The following SDK1 variants were observed in gnomAD, a reference collection of about 807,000 sequenced individuals.
SDK1 encodes the protein sidekick cell adhesion molecule 1.
In SDK1, 157 loss-of-function variants were observed where a neutral mutation model predicts 245.5. That is an observed-to-expected ratio of 0.64 (90% CI 0.56 to 0.73). The LOEUF (loss-of-function observed/expected upper bound fraction) is 0.73. Among genes scored for constraint, SDK1 ranks in the 30% least tolerant of loss-of-function variants. The pLI is 0.00. For missense variants in SDK1, 3,583 were observed against 3,002.3 expected (o/e 1.19, Z -4.52); for synonymous variants, 1,647 against 1,278.5 (o/e 1.29, Z -6.15).
intron 35 of SDK1, among the ~76,000 whole-genome samples, chr7:4,204,072 G>A (rs1444711745): frequency 6.6e-6 from 1 of 152,232 alleles, no homozygotes; most frequent in African/African-American, 2.4e-5. Flanking sequence ...GCTGAGTTGG[G>A]CCATCTTTGG....
chr7:3,443,116 C>T (rs1286540849), intron 1 of SDK1, among the ~76,000 whole-genome samples: 1 of 150,772 alleles, frequency 6.6e-6, no homozygotes, highest in African/African-American at 2.4e-5. Flanking sequence ...GGGTTATATC[C>T]TTAACATGTA....
At chr7:3,484,000 A>G (rs73038553) in intron 1 of SDK1, among the ~76,000 whole-genome samples, 14,217 of 152,236 alleles carry the variant, frequency 0.093, 903 homozygotes, top group African/African-American at 0.17. Context: ...ATGATGTGTA[A>G]TAAATCAGGG....
chr7:3,931,518 A>C (rs1425277049), intron 5 of SDK1, among the ~76,000 whole-genome samples: 1 of 152,248 alleles, frequency 6.6e-6, no homozygotes, highest in Non-Finnish European at 1.5e-5. Flanking sequence ...GTAAGTAAAC[A>C]ACTGCGTAGC....
Position 4,233,411 on chromosome 7 carries a change from C to A in SDK1, c.5984C>A (p.Ala1995Asp). ...GGGGAGCCCAGCAACCCCTCCACGGCTGTGTCAGGTAGGCCCTCCCAGGGA... is the reference window on the plus strand; with the variant it reads ...GGGGAGCCCAGCAACCCCTCCACGGATGTGTCAGGTAGGCCCTCCCAGGGA... ...GYGEPSNPST[A>D]VSAQVEAPFY... The change falls in exon 41 of 45, where the codon GCT (alanine) becomes GAT (aspartate). Residue 1995 changes from alanine (A) to aspartate (D), a missense_variant. Ala to Asp is a moderately radical substitution (Grantham distance 126). Transcript: ENST00000404826. 6.2e-7 allele frequency: 1 copy of A among 1,612,064 alleles called. No homozygotes were observed.
intron 19 of SDK1, among the ~76,000 whole-genome samples, chr7:4,057,992 T>C (rs1029837130): frequency 2.0e-5 from 3 of 151,708 alleles, no homozygotes; most frequent in Non-Finnish European, 4.4e-5. Context: ...ACACAAGAAA[T>C]ATGAAAATGC....
chr7:3,674,829 T>A (rs1190592562), intron 4 of SDK1, among the ~76,000 whole-genome samples: 1 of 152,128 alleles, frequency 6.6e-6, no homozygotes, highest in East Asian at 1.9e-4. Context: ...GGCTCTGTGT[T>A]CAGCACGCAT....
At chr7:3,969,542 G>T in intron 11 of SDK1, 118 bp downstream of exon 11, 2 of 681,226 alleles carry the variant, frequency 2.9e-6, no homozygotes. Context: ...AAAAGAGAAT[G>T]ATTATTTTTA....
chr7:3,777,863 A>G (rs1780611485), intron 4 of SDK1, among the ~76,000 whole-genome samples: 2 of 152,372 alleles, frequency 1.3e-5, no homozygotes, highest in South Asian at 4.1e-4. Context: ...TAAAAAATAT[A>G]GGTCAATTAC....
intron 5 of SDK1, among the ~76,000 whole-genome samples, chr7:3,950,429 A>G (rs80151357): frequency 0.067 from 10,226 of 152,304 alleles, 386 homozygotes; most frequent in Middle Eastern, 0.17. Flanking sequence ...TGGTCCGAAA[A>G]TAGGAGAGTA....
At chr7:3,774,509 A>T (rs1359076872) in intron 4 of SDK1, among the ~76,000 whole-genome samples, 1 of 152,182 alleles carries the variant, frequency 6.6e-6, no homozygotes, top group Non-Finnish European at 1.5e-5. Context: ...TAGCTCTATT[A>T]TGCCAAGAGC....
At chr7:3,589,419 C>G (rs1220881992) in intron 1 of SDK1, among the ~76,000 whole-genome samples, 4 of 152,216 alleles carry the variant, frequency 2.6e-5, no homozygotes, top group Non-Finnish European at 4.4e-5. Flanking sequence ...GCACCAGCAC[C>G]ACCTCCATGG....
At chr7:3,327,454 G>T (rs1779965176) in intron 1 of SDK1, among the ~76,000 whole-genome samples, 1 of 152,124 alleles carries the variant, frequency 6.6e-6, no homozygotes, top group African/African-American at 2.4e-5. Context: ...TGATTAAAAT[G>T]ATGCTTTTGG....
intron 1 of SDK1, among the ~76,000 whole-genome samples, chr7:3,519,582 C>T (rs1364778360): frequency 2.6e-5 from 2 of 75,780 alleles, no homozygotes; most frequent in African/African-American, 1.3e-4. Context: ...CATTGAAATC[C>T]TGTGAGTAGG....
At chr7:3,584,353 G>T (rs898128619) in intron 1 of SDK1, among the ~76,000 whole-genome samples, 3 of 152,020 alleles carry the variant, frequency 2.0e-5, no homozygotes, top group Admixed American at 1.3e-4. Flanking sequence ...CTAGTTTCAC[G>T]TGAAACCCCA....
At chr7:3,407,020 A>G (rs912529735) in intron 1 of SDK1, among the ~76,000 whole-genome samples, 14 of 152,190 alleles carry the variant, frequency 9.2e-5, no homozygotes, top group African/African-American at 3.4e-4. Context: ...CAATGGGATC[A>G]AGAATGCTAG....
At chr7:3,465,248 C>T (rs1251147189) in intron 1 of SDK1, among the ~76,000 whole-genome samples, 1 of 152,120 alleles carries the variant, frequency 6.6e-6, no homozygotes. Flanking sequence ...CCCTCCTGCC[C>T]AGTTGGCCAA....
chr7:3,964,704 C>T (rs1583656898), intron 9 of SDK1, among the ~76,000 whole-genome samples: 1 of 152,050 alleles, frequency 6.6e-6, no homozygotes, highest in Admixed American at 6.5e-5. Context: ...TTGTGTTTGC[C>T]CTTTCGGGAG....
intron 17 of SDK1, among the ~76,000 whole-genome samples, chr7:4,039,517 G>C (rs1181730072): frequency 1.3e-5 from 2 of 152,024 alleles, no homozygotes; most frequent in Non-Finnish European, 2.9e-5. Flanking sequence ...AAATCAAGTT[G>C]AAAAATTCAA....
intron 27 of SDK1, among the ~76,000 whole-genome samples, chr7:4,131,522 G>A (rs778923862): frequency 1.3e-5 from 2 of 152,178 alleles, no homozygotes; most frequent in African/African-American, 2.4e-5. Context: ...GGCCCAGAAC[G>A]ACGAACATAC....
Sources: gnomAD v4.1 joint callset for allele counts (sites outside exome capture counted in the v4.1 genomes callset) on GRCh38, gnomAD v4.1.1 for gene constraint, MANE v1.5 for transcripts, NCBI Gene and HGNC (gene_info 2026-07-23, HGNC 2026-07-21) for gene names.